The following ANKRD62 variants were observed in gnomAD, a reference collection of about 807,000 sequenced individuals.
The protein encoded by ANKRD62 is ankyrin repeat domain-containing protein 62.
Under a neutral mutation model 98.8 loss-of-function variants are expected in ANKRD62, and 61 were observed. The ratio of observed to expected loss-of-function variants is 0.62; its 90% CI spans 0.50 to 0.76. The LOEUF is 0.76. Among genes scored for constraint, ANKRD62 ranks in the 30% least tolerant of loss-of-function variants. ANKRD62 has a pLI of 0.00. For missense variants in ANKRD62, 933 were observed against 1,082.9 expected (o/e 0.86, Z 1.94); for synonymous variants, 341 against 367.9 (o/e 0.93, Z 0.84).
intron 6 of ANKRD62, among the ~76,000 whole-genome samples, chr18:12,101,729 A>G (rs896626732): frequency 6.6e-6 from 1 of 152,220 alleles, no homozygotes; most frequent in African/African-American, 2.4e-5. Flanking sequence ...GTTTAGTTAT[A>G]CTGTGACTCT....
the ANKRD62 span, among the ~76,000 whole-genome samples, chr18:12,177,581 T>TG: frequency 5.9e-5 from 9 of 152,038 alleles, no homozygotes; most frequent in South Asian, 1.9e-3. Flanking sequence ...TCCACAAATG[T>TG]GGCGACATAC....
At chr18:12,106,083 G>T (rs190505521) in intron 7 of ANKRD62, among the ~76,000 whole-genome samples, 5 of 152,264 alleles carry the variant, frequency 3.3e-5, no homozygotes, top group African/African-American at 1.2e-4. Context: ...TGTGCAAATT[G>T]ATCCATTTAA....
downstream of ANKRD62, among the ~76,000 whole-genome samples, chr18:12,132,275 T>TTG (rs1910017299): frequency 6.6e-6 from 1 of 152,198 alleles, no homozygotes; most frequent in African/African-American, 2.4e-5. Context: ...TGATCATGTA[T>TTG]CCTGCAATGT....
intron 8 of ANKRD62, among the ~76,000 whole-genome samples, chr18:12,107,775 A>G (rs7229756): frequency 0.61 from 93,160 of 151,862 alleles, 29,033 homozygotes; most frequent in Middle Eastern, 0.75. Flanking sequence ...TTTTAAATAT[A>G]TCATTTCGTT....
At chr18:12,153,353 G>T in the ANKRD62 span, among the ~76,000 whole-genome samples, 1 of 152,070 alleles carries the variant, frequency 6.6e-6, no homozygotes, top group Non-Finnish European at 1.5e-5. Flanking sequence ...CACTTTGGGA[G>T]GCCAAAGTGG....
At chr18:12,161,881 A>G in the ANKRD62 span, among the ~76,000 whole-genome samples, 2 of 152,138 alleles carry the variant, frequency 1.3e-5, no homozygotes, top group Non-Finnish European at 2.9e-5. Context: ...CTGAATATAC[A>G]CAACTCCATT....
intron 6 of ANKRD62, among the ~76,000 whole-genome samples, chr18:12,101,477 T>C (rs979161923): frequency 6.6e-6 from 1 of 152,242 alleles, no homozygotes; most frequent in African/African-American, 2.4e-5. Context: ...GATATCAGCA[T>C]TTCCTAATTT....
Position 12,125,751 on chromosome 18 carries a change from CAA to C in ANKRD62, c.1932_1933del (p.Ser645HisfsTer14). 1 of 1,546,398 alleles carries C rather than the reference CAA, an allele frequency of 6.5e-7. No individual in the cohort carries two copies. ...CAATTCTGAGCTACAGAAGGAAAAA[CAA>C]AGCATGTCAAGACTGGAAACAGAAA... ...MLNSELQKEK[Q>X]SMSRLETEME... On this transcript the variant is annotated frameshift_variant, in exon 13 of 14. Coordinates refer to ENST00000587848, the MANE Select transcript of ANKRD62 (RefSeq NM_001277333.2). LOFTEE classifies it high-confidence loss of function.
At chr18:12,123,025 T>G (rs1366455917) in intron 11 of ANKRD62, among the ~76,000 whole-genome samples, 1 of 96,240 alleles carries the variant, frequency 1.0e-5, no homozygotes, top group Non-Finnish European at 2.4e-5. Flanking sequence ...TTTTTAAAAT[T>G]AACCAGTTTT....
chr18:12,158,594 C>G, the ANKRD62 span, among the ~76,000 whole-genome samples: 1 of 151,786 alleles, frequency 6.6e-6, no homozygotes, highest in Non-Finnish European at 1.5e-5. Flanking sequence ...GGTGCCATCT[C>G]GGCTCACCGC....
chr18:12,141,112 T>C, the ANKRD62 span, among the ~76,000 whole-genome samples: 3 of 152,210 alleles, frequency 2.0e-5, no homozygotes, highest in Non-Finnish European at 4.4e-5. Context: ...ACTGCTGTGC[T>C]AGCAATGAGC....
At chr18:12,110,547 T>C (rs905543748) in intron 8 of ANKRD62, among the ~76,000 whole-genome samples, 1 of 152,182 alleles carries the variant, frequency 6.6e-6, no homozygotes. Flanking sequence ...AGAAGAAAAT[T>C]AGGTCATCCA....
At chr18:12,112,978 C>T (rs1057165228) in intron 8 of ANKRD62, among the ~76,000 whole-genome samples, 1 of 152,184 alleles carries the variant, frequency 6.6e-6, no homozygotes, top group Non-Finnish European at 1.5e-5. Context: ...TCACTGCAAC[C>T]TCCCCATCCC....
At chr18:12,111,058 C>CCTGA (rs59340623) in intron 8 of ANKRD62, among the ~76,000 whole-genome samples, 92,639 of 151,186 alleles carry the variant, frequency 0.61, 28,775 homozygotes, top group Middle Eastern at 0.76. Flanking sequence ...TTGAGACCAT[C>CCTGA]CTAACATGAT....
At chr18:12,105,289 G>T (rs1909388881) in intron 7 of ANKRD62, among the ~76,000 whole-genome samples, 2 of 152,176 alleles carry the variant, frequency 1.3e-5, no homozygotes, top group South Asian at 2.1e-4. Flanking sequence ...TAAAAGAATA[G>T]AACTTGGATT....
At chr18:12,109,851 G>C (rs780955098) in intron 8 of ANKRD62, among the ~76,000 whole-genome samples, 19 of 149,010 alleles carry the variant, frequency 1.3e-4, no homozygotes, top group Non-Finnish European at 2.7e-4. Context: ...GACAATAAAT[G>C]AATAGGTGTC....
the ANKRD62 span, among the ~76,000 whole-genome samples, chr18:12,138,189 A>T: frequency 6.6e-6 from 1 of 152,154 alleles, no homozygotes; most frequent in Non-Finnish European, 1.5e-5. Flanking sequence ...ATTTAGTGCT[A>T]TAAATTTCCC....
At chr18:12,103,004 T>C (rs1247126570) in intron 6 of ANKRD62, among the ~76,000 whole-genome samples, 154 bp from the exon 7 acceptor site, 2 of 152,192 alleles carry the variant, frequency 1.3e-5, no homozygotes, top group African/African-American at 4.8e-5. Context: ...GAAGTAATTC[T>C]TAAGAAGTAG....
the ANKRD62 span, among the ~76,000 whole-genome samples, chr18:12,155,327 T>G: frequency 6.6e-6 from 1 of 152,378 alleles, no homozygotes; most frequent in East Asian, 1.9e-4. Flanking sequence ...AAATAGTGGC[T>G]AAATCACTGG....
Sources: gnomAD v4.1 joint callset for allele counts (sites outside exome capture counted in the v4.1 genomes callset) on GRCh38, gnomAD v4.1.1 for gene constraint, MANE v1.5 for transcripts, NCBI Gene and HGNC (gene_info 2026-07-23, HGNC 2026-07-21) for gene names.